The following DPPA4 variants were observed in gnomAD, a reference collection of about 807,000 sequenced individuals.
DPPA4 encodes developmental pluripotency associated 4.
A neutral mutation model predicts 33.7 loss-of-function variants in DPPA4; 22 were observed. The ratio of observed to expected loss-of-function variants is 0.65; its 90% confidence interval spans 0.47 to 0.93. The LOEUF (loss-of-function observed/expected upper bound fraction) is 0.93, where lower values mean the gene tolerates loss of function less well. Ranked by LOEUF, DPPA4 falls within the 40% of genes least tolerant of loss-of-function variation. The pLI is 0.00. For missense variants in DPPA4, 340 were observed against 358.6 expected, an observed-to-expected ratio of 0.95 and a Z score of 0.42; for synonymous variants, 156 against 132.3, an observed-to-expected ratio of 1.18 and a Z score of -1.23.
chr3:109,327,954 T>G lies in DPPA4; in HGVS notation c.*34A>C. The G allele has an allele frequency of 6.7e-7, 1 of 1,481,756 alleles. No homozygotes were observed. The highest frequency in any genetic ancestry group is 2.3e-5 in the East Asian group (1 of 44,268). 91.8% of individuals were successfully genotyped at this position (1,481,756 alleles called of 1,614,324 possible). On this transcript the variant is annotated 3_prime_UTR_variant, in exon 7 of 7. Coordinates refer to ENST00000335658, the MANE Select transcript of DPPA4 (RefSeq NM_018189.4). The stretch of plus-strand genomic sequence containing the variant: ...TCCAACTCTCCAGCTTTTCTGCCAT[T>G]AATTACCATAGATGTGGCCTTTTTC...
intron 1 of DPPA4, 22 bp from the exon 2 acceptor site, chr3:109,334,015 C>A: frequency 6.2e-7 from 1 of 1,613,242 alleles, no homozygotes; most frequent in South Asian, 1.1e-5. Context: ...AGGAGCTGGT[C>A]AGTCATTCCT....
At chr3:109,330,896 A>T in intron 4 of DPPA4, 84 bp from the exon 5 acceptor site, 1 of 1,263,014 alleles carries the variant, frequency 7.9e-7, no homozygotes, top group Non-Finnish European at 1.1e-6. Flanking sequence ...GATCAAATAC[A>T]AAGTTTCACT....
chr3:109,337,403 G>T, intron 1 of DPPA4, 61 bp downstream of exon 1: 1 of 1,488,910 alleles, frequency 6.7e-7, no homozygotes, highest in Non-Finnish European at 9.4e-7. Context: ...AATCAGGAGT[G>T]CCCAGGGAAG....
chr3:109,334,172 T>C (rs1708144837), intron 1 of DPPA4, among the ~76,000 whole-genome samples, 179 bp from the exon 2 acceptor site: 1 of 152,046 alleles, frequency 6.6e-6, no homozygotes, highest in African/African-American at 2.4e-5. Context: ...TGGGAAACAA[T>C]GATGGAAAAA....
In DPPA4 at chr3:109,330,687, A is replaced by G. The variant is rs1469306517; in HGVS notation, c.516T>C (p.Pro172=). The G allele has an allele frequency of 1.2e-6, 2 of 1,614,150 alleles. No individual in the cohort carries two copies. Among genetic ancestry groups the G allele is most frequent in the Admixed American group, 3.3e-5 (2 of 60,010 alleles). Residue 172 remains proline, a synonymous_variant, in exon 5 of 7, where the codon CCT becomes CCC. Coordinates refer to ENST00000335658, the MANE Select transcript of DPPA4 (RefSeq NM_018189.4). ...ETHPPEVALP[P]VGEPPALENS... Reference sequence around the variant, plus strand: ...TTTCCAGGGCAGGCGGCTCCCCCACAGGAGGAAGAGCCACTTCAGGAGGAT... The same window carrying G: ...TTTCCAGGGCAGGCGGCTCCCCCACGGGAGGAAGAGCCACTTCAGGAGGAT...
chr3:109,331,543 C>CAAAAAAAAAAAAAAAAAAAAAAAAAAAA (rs62827961), intron 4 of DPPA4, among the ~76,000 whole-genome samples, 191 bp downstream of exon 4: 2 of 71,470 alleles, frequency 2.8e-5, no homozygotes, highest in Admixed American at 2.1e-4. Context: ...GACTCTGTCT[C>CAAAAAAAAAAAAAAAAAAAAAAAAAAAA]AAAAAAAAAA....
chr3:109,330,300 CAAAAAAAA>C (rs71129042), intron 5 of DPPA4: 47 of 348,870 alleles, frequency 1.3e-4, no homozygotes, highest in Middle Eastern at 9.5e-4. Flanking sequence ...GAAACTGTCT[CAAAAAAAA>C]AAAAAAAAAA....
At chr3:109,335,540 G>A (rs1466915543) in intron 1 of DPPA4, among the ~76,000 whole-genome samples, 2 of 152,044 alleles carry the variant, frequency 1.3e-5, no homozygotes, top group Admixed American at 6.6e-5. Context: ...GCAATTCTCT[G>A]CCTCAGCCTC....
rs146295093 is a variant in DPPA4, at chr3:109,336,701, C to G, written c.54+763G>C. 3.1e-3 allele frequency among the ~76,000 whole-genome samples: 477 copies of G among 152,212 alleles called. 1 individual carries two copies. Among genetic ancestry groups the G allele is most frequent in the African/African-American group, 0.011 (450 of 41,522 alleles). On this transcript the variant is annotated intron_variant, in intron 1 of 6. Coordinates refer to ENST00000335658, the MANE Select transcript of DPPA4 (RefSeq NM_018189.4). ...ATTCAGTTAGTTCTTTCTGACAGGA[C>G]TAAGCACCTCTTCAAAACAGAAAAC...
rs1707997884 is a variant in DPPA4 at position 109,329,063 on chromosome 3, C to G, written c.705G>C (p.Gly235=). The G allele has an allele frequency of 1.9e-6, 3 of 1,614,062 alleles. No individual in the cohort carries two copies. Among genetic ancestry groups the G allele is most frequent in the Non-Finnish European group, 2.5e-6 (3 of 1,180,010 alleles). The change falls in exon 6 of 7, where the codon GGG becomes GGC. Residue 235 remains glycine, a synonymous_variant. Transcript: ENST00000335658. ...CATCTGTGTCTGCAGGGAGACTTTT[C>G]CCATGGACCACACACCACCTGACAC... The part of the protein sequence containing the change: ...ASGVRWCVVH[G]KSLPADTDGW...
intron 6 of DPPA4, 148 bp from the exon 7 acceptor site, chr3:109,328,172 A>C: frequency 6.4e-6 from 4 of 627,220 alleles, no homozygotes; most frequent in Non-Finnish European, 1.1e-5. Flanking sequence ...TTCAAGAATG[A>C]AGATCATCAG....
intron 1 of DPPA4, among the ~76,000 whole-genome samples, chr3:109,336,922 G>A (rs1708226590): frequency 6.6e-6 from 1 of 152,136 alleles, no homozygotes; most frequent in Non-Finnish European, 1.5e-5. Flanking sequence ...CTTTTGAGGT[G>A]GAGTTTCGCT....
chr3:109,331,593 A>G (rs1232332514), intron 4 of DPPA4, 141 bp downstream of exon 4: 3 of 577,230 alleles, frequency 5.2e-6, no homozygotes, highest in South Asian at 6.3e-5. Flanking sequence ...AAAAAAGAGA[A>G]GTAGAGATGG....
chr3:109,335,338 C>T (rs1162440654), intron 1 of DPPA4, among the ~76,000 whole-genome samples: 1 of 152,118 alleles, frequency 6.6e-6, no homozygotes, highest in East Asian at 1.9e-4. Context: ...TCTCCCCCCA[C>T]TGATCTCAAT....
chr3:109,335,711 T>A (rs765776997), intron 1 of DPPA4, among the ~76,000 whole-genome samples: 2 of 151,874 alleles, frequency 1.3e-5, no homozygotes, highest in East Asian at 3.9e-4. Context: ...ATTACAGGCG[T>A]GTGCCACTGT....
At chr3:109,336,625 T>A (rs1292315411) in intron 1 of DPPA4, among the ~76,000 whole-genome samples, 1 of 152,164 alleles carries the variant, frequency 6.6e-6, no homozygotes, top group African/African-American at 2.4e-5. Flanking sequence ...CTTCCTAAAA[T>A]CTTTCCTTTA....
Position 109,331,675 on chromosome 3 carries a change from T to C in DPPA4, c.390+59A>G. 3 of 1,541,282 alleles carry C rather than the reference T, an allele frequency of 1.9e-6. No homozygotes were observed. In the South Asian group the frequency reaches 3.4e-5, roughly 17 times the overall value. ...GCTAAGACAGTTCCTTTACTCACTT[T>C]TGAGGCTACAATAGGTAATTAGGAT... On this transcript the variant is annotated intron_variant, in intron 4 of 6. Coordinates refer to ENST00000335658, the MANE Select transcript of DPPA4 (RefSeq NM_018189.4).
rs1274353575 is a variant in DPPA4 at position 109,326,830 on chromosome 3, A to C, written c.*1158T>G. On this transcript the variant is annotated 3_prime_UTR_variant, in exon 7 of 7. Coordinates refer to ENST00000335658, the MANE Select transcript of DPPA4 (RefSeq NM_018189.4). ...CCATACCACCAACTAATAAAGAACAAACGAGTCATACAAAAGAAAAATCAC... is the reference window on the plus strand; with the variant it reads ...CCATACCACCAACTAATAAAGAACACACGAGTCATACAAAAGAAAAATCAC... The C allele has an allele frequency of 6.6e-6, 1 of 152,198 alleles. No individual in the cohort carries two copies. The highest frequency in any genetic ancestry group is 1.5e-5 in the Non-Finnish European group (1 of 68,034). The allele number at this position is 152,198 out of a possible 1,614,324, so 9.4% of individuals were successfully genotyped here. A position where few individuals can be genotyped will look rare whatever the true frequency, so the allele number is the denominator to read the frequency against.
intron 6 of DPPA4, 128 bp from the exon 7 acceptor site, chr3:109,328,152 G>A: frequency 1.5e-6 from 1 of 652,462 alleles, no homozygotes; most frequent in Non-Finnish European, 2.7e-6. Flanking sequence ...GCAAGCCTGT[G>A]ATCCTGTCAT....
Sources: gnomAD v4.1 joint callset for allele counts (sites outside exome capture counted in the v4.1 genomes callset) on GRCh38, gnomAD v4.1.1 for gene constraint, MANE v1.5 for transcripts, NCBI Gene and HGNC (gene_info 2026-07-23, HGNC 2026-07-21) for gene names.